The following WDPCP variants were observed in gnomAD, a reference collection of about 807,000 sequenced individuals.
The protein encoded by WDPCP is WD repeat-containing and planar cell polarity effector protein fritz homolog.
Under a neutral mutation model 93.1 loss-of-function variants are expected in WDPCP, and 71 were observed. The ratio of observed to expected loss-of-function variants is 0.76; its 90% confidence interval spans 0.63 to 0.93. WDPCP has a LOEUF of 0.93. WDPCP is among the 40% of genes least tolerant of loss of function. WDPCP has a pLI of 0.00. For missense variants in WDPCP, 844 were observed against 887.4 expected, an observed-to-expected ratio of 0.95 and a Z score of 0.62; for synonymous variants, 315 against 315.0, an observed-to-expected ratio of 1.00 and a Z score of 0.00.
At chr2:63,235,932 G>A (rs1679350819) in intron 14 of WDPCP, among the ~76,000 whole-genome samples, 1 of 152,106 alleles carries the variant, frequency 6.6e-6, no homozygotes, top group Admixed American at 6.6e-5. Context: ...TTAGGAACAG[G>A]AACAACACAA....
intron 1 of WDPCP, among the ~76,000 whole-genome samples, chr2:63,511,935 A>G (rs1702263216): frequency 6.6e-6 from 1 of 152,244 alleles, no homozygotes; most frequent in African/African-American, 2.4e-5. Context: ...GCATAGCAAA[A>G]GAAACTATCA....
intron 6 of WDPCP, chr2:63,441,863 T>C (rs1303430016): frequency 1.3e-5 from 2 of 152,154 alleles, no homozygotes; most frequent in Non-Finnish European, 2.9e-5. Flanking sequence ...TGCCAAGCAC[T>C]AAATTAAATT....
At chr2:63,208,592 C>T (rs1407211565) in intron 14 of WDPCP, among the ~76,000 whole-genome samples, 1 of 152,154 alleles carries the variant, frequency 6.6e-6, no homozygotes, top group Non-Finnish European at 1.5e-5. Context: ...ATCCCAGCAC[C>T]TCCATACTTT....
At chr2:63,634,376 C>T (rs1709900250) in intron 3 of WDPCP, among the ~76,000 whole-genome samples, 1 of 152,046 alleles carries the variant, frequency 6.6e-6, no homozygotes, top group Non-Finnish European at 1.5e-5. Context: ...ATATATTAAG[C>T]CAATATTAAA....
At chr2:63,593,802 G>T (rs970385772) in intron 3 of WDPCP, among the ~76,000 whole-genome samples, 5 of 152,132 alleles carry the variant, frequency 3.3e-5, no homozygotes, top group African/African-American at 1.2e-4. Flanking sequence ...TGTCAGCTTA[G>T]TCTTTTTTTA....
At chr2:63,283,353 C>T (rs1469125012) in intron 13 of WDPCP, among the ~76,000 whole-genome samples, 1 of 152,094 alleles carries the variant, frequency 6.6e-6, no homozygotes, top group Non-Finnish European at 1.5e-5. Context: ...TTTTGGAATG[C>T]TTTTATAATT....
At chr2:63,644,042 C>T (rs1710016811) in intron 3 of WDPCP, 2 of 410,130 alleles carry the variant, frequency 4.9e-6, no homozygotes, top group African/African-American at 2.0e-5. Context: ...AGGACCAAAG[C>T]CATGGTTGTG....
At chr2:63,577,081 A>G (rs1708165065) in intron 1 of WDPCP, among the ~76,000 whole-genome samples, 1 of 152,198 alleles carries the variant, frequency 6.6e-6, no homozygotes, top group African/African-American at 2.4e-5. Flanking sequence ...AGTTCTAGTC[A>G]ATATGGTAAC....
chr2:63,692,159 A>G (rs1668899161), intron 2 of WDPCP, among the ~76,000 whole-genome samples: 1 of 152,118 alleles, frequency 6.6e-6, no homozygotes, highest in Non-Finnish European at 1.5e-5. Context: ...TTACACAGAG[A>G]AAAACTTTAA....
chr2:63,571,206 T>C (rs1007683380), intron 1 of WDPCP, among the ~76,000 whole-genome samples: 10 of 152,118 alleles, frequency 6.6e-5, no homozygotes, highest in Admixed American at 1.3e-4. Flanking sequence ...CCACCGCGCC[T>C]GGTCAGGGTA....
chr2:63,134,083 T>C (rs1357626017), intron 17 of WDPCP, among the ~76,000 whole-genome samples: 2 of 152,200 alleles, frequency 1.3e-5, no homozygotes, highest in East Asian at 3.9e-4. Context: ...TAATCGTTGT[T>C]TCCTCTGGTT....
intron 12 of WDPCP, among the ~76,000 whole-genome samples, chr2:63,324,358 A>T (rs1047590402): frequency 6.6e-6 from 1 of 152,086 alleles, no homozygotes; most frequent in Admixed American, 6.6e-5. Context: ...CCCTGCCCAG[A>T]AGGAAATAAG....
chr2:63,676,572 C>CA (rs911826564), intron 2 of WDPCP, among the ~76,000 whole-genome samples: 27 of 149,240 alleles, frequency 1.8e-4, no homozygotes, highest in East Asian at 1.2e-3. Context: ...GAACCAAAAA[C>CA]AAAAAAAAAG....
At chr2:63,313,185 C>T in intron 13 of WDPCP, 63 bp downstream of exon 13, 5 of 1,490,790 alleles carry the variant, frequency 3.4e-6, no homozygotes, top group Non-Finnish European at 4.7e-6. Context: ...TTTTTATGGT[C>T]ACAAAAGCTG....
chr2:63,272,915 T>C (rs999067564), intron 13 of WDPCP, among the ~76,000 whole-genome samples: 7 of 152,154 alleles, frequency 4.6e-5, no homozygotes, highest in Admixed American at 3.9e-4. Flanking sequence ...CGTTCCTAAA[T>C]AGATACAATC....
chr2:63,355,095 T>C (rs1689916311), intron 12 of WDPCP, among the ~76,000 whole-genome samples: 1 of 151,962 alleles, frequency 6.6e-6, no homozygotes, highest in South Asian at 2.1e-4. Context: ...TACAGAGAAC[T>C]CCTCCAACAT....
At chr2:63,567,361 C>A (rs1707154347) in intron 1 of WDPCP, among the ~76,000 whole-genome samples, 1 of 152,194 alleles carries the variant, frequency 6.6e-6, no homozygotes, top group Non-Finnish European at 1.5e-5. Flanking sequence ...TTATCAACTG[C>A]AGAGATTGCA....
chr2:63,722,454 G>A lies in WDPCP; in HGVS notation n.309-71616C>T, dbSNP rs1439751718. On this transcript the variant is annotated intron_variant and non_coding_transcript_variant, in intron 2 of 4. Coordinates refer to the WDPCP transcript ENST00000467687. ...TGGGAGGTGAGGAGCATCTCTGCCC[G>A]GCCGCCCCGTCTGAGAAGTGAGGAG... 1.4e-4 allele frequency among the ~76,000 whole-genome samples: 20 copies of A among 145,896 alleles called. No individual in the cohort carries two copies. The East Asian group carries it at 3.2e-3, about 23-fold the overall frequency.
chr2:63,262,539 CA>C (rs5831658), intron 13 of WDPCP, among the ~76,000 whole-genome samples: 35,491 of 129,730 alleles, frequency 0.27, 4,663 homozygotes, highest in Non-Finnish European at 0.33. Flanking sequence ...CCATATAAGC[CA>C]AAAAAAAAAA....
Sources: allele counts gnomAD v4.1 joint callset (sites outside exome capture counted in the v4.1 genomes callset), GRCh38; gene constraint gnomAD v4.1.1; transcripts MANE v1.5; gene names NCBI Gene and HGNC (gene_info 2026-07-23, HGNC 2026-07-21).